Variants in TLN2 observed in about 807,000 individuals in gnomAD.
TLN2 encodes the protein talin 2.
TLN2 carries 118 observed loss-of-function variants against 294.7 expected under a neutral mutation model. That is an observed-to-expected ratio of 0.40 (90% CI 0.34 to 0.47). TLN2 has a LOEUF of 0.47. Among genes scored for constraint, TLN2 ranks in the 20% least tolerant of loss-of-function variants. The pLI, the probability that TLN2 is intolerant of heterozygous loss-of-function variation, is 0.84. For missense variants in TLN2, 3,083 were observed against 3,282.2 expected (o/e 0.94, Z 1.48); for synonymous variants, 1,431 against 1,304.5 (o/e 1.10, Z -2.09).
At chr15:62,690,028 T>A (rs1485241456) in intron 12 of TLN2, among the ~76,000 whole-genome samples, 1 of 55,070 alleles carries the variant, frequency 1.8e-5, no homozygotes. Flanking sequence ...GGCTCCTCAC[T>A]TCCCAGTAGG....
chr15:62,445,686 CAG>C (rs1345446490), intron 1 of TLN2, among the ~76,000 whole-genome samples: 2 of 151,178 alleles, frequency 1.3e-5, no homozygotes, highest in South Asian at 4.2e-4. Flanking sequence ...TTGGGGGAGA[CAG>C]GGTCTTGCTC....
At chr15:62,612,761 C>A (rs997431540) in intron 2 of TLN2, among the ~76,000 whole-genome samples, 1 of 152,112 alleles carries the variant, frequency 6.6e-6, no homozygotes. Context: ...TGCTGGATTG[C>A]GTTAATCAAC....
At chr15:62,701,918 C>T in intron 17 of TLN2, 74 bp from the exon 18 acceptor site, 1 of 1,534,128 alleles carries the variant, frequency 6.5e-7, no homozygotes, top group Non-Finnish European at 8.9e-7. Flanking sequence ...GAACTCCTGC[C>T]AGTGTGGGGT....
chr15:62,625,894 C>G (rs550865646), intron 3 of TLN2, among the ~76,000 whole-genome samples: 15 of 152,184 alleles, frequency 9.9e-5, no homozygotes, highest in African/African-American at 3.6e-4. Flanking sequence ...AGGGCCCACT[C>G]CTGTGTGAGT....
At chr15:62,789,605 T>C (rs890760768) in intron 45 of TLN2, among the ~76,000 whole-genome samples, 2 of 152,110 alleles carry the variant, frequency 1.3e-5, no homozygotes, top group Non-Finnish European at 2.9e-5. Context: ...AGGGTTCAGG[T>C]TCAAGACAGC....
intron 1 of TLN2, among the ~76,000 whole-genome samples, chr15:62,396,997 G>A (rs895903824): frequency 3.3e-5 from 5 of 152,104 alleles, no homozygotes; most frequent in African/African-American, 1.2e-4. Context: ...GAGCCACGGT[G>A]CCTGGCCTGA....
chr15:62,408,915 C>T (rs1191371448), intron 1 of TLN2, among the ~76,000 whole-genome samples: 1 of 152,094 alleles, frequency 6.6e-6, no homozygotes, highest in Non-Finnish European at 1.5e-5. Flanking sequence ...CTGCCTCGGC[C>T]TCCCAAAGTG....
intron 2 of TLN2, among the ~76,000 whole-genome samples, chr15:62,610,731 C>G (rs2047845203): frequency 6.6e-6 from 1 of 152,172 alleles, no homozygotes; most frequent in African/African-American, 2.4e-5. Context: ...TGCTGTTCTG[C>G]ACTCGTCCAT....
At chr15:62,719,628 A>T (rs1318257760) in intron 24 of TLN2, 139 bp from the exon 25 acceptor site, 3 of 578,248 alleles carry the variant, frequency 5.2e-6, no homozygotes, top group Non-Finnish European at 8.8e-6. Flanking sequence ...CTTAATGTGC[A>T]GTGTCTATCC....
chr15:62,663,106 C>T (rs903237704), intron 9 of TLN2, among the ~76,000 whole-genome samples: 4 of 152,018 alleles, frequency 2.6e-5, no homozygotes, highest in African/African-American at 7.2e-5. Flanking sequence ...TGAGCCACAG[C>T]GCCGGGCCTT....
chr15:62,592,254 G>A (rs1482953846), intron 2 of TLN2, among the ~76,000 whole-genome samples: 1 of 152,168 alleles, frequency 6.6e-6, no homozygotes, highest in Admixed American at 6.5e-5. Flanking sequence ...TGTACTCTGC[G>A]TTGATTGGAA....
chr15:62,526,615 C>T (rs755387824), intron 1 of TLN2, among the ~76,000 whole-genome samples: 1 of 152,182 alleles, frequency 6.6e-6, no homozygotes, highest in Non-Finnish European at 1.5e-5. Flanking sequence ...CTCTGCTGGG[C>T]AGGACCCCTC....
chr15:62,451,541 C>T (rs900665034), intron 1 of TLN2, among the ~76,000 whole-genome samples: 4 of 152,148 alleles, frequency 2.6e-5, no homozygotes, highest in Admixed American at 6.5e-5. Flanking sequence ...CCTGTAGTCC[C>T]AGTTACTCAG....
chr15:62,663,296 T>C (rs966327847), intron 9 of TLN2, among the ~76,000 whole-genome samples: 1 of 152,202 alleles, frequency 6.6e-6, no homozygotes, highest in Non-Finnish European at 1.5e-5. Context: ...AAAAACTTCA[T>C]GGCATGCCAG....
chr15:62,481,221 C>CTT (rs61704039), intron 1 of TLN2, among the ~76,000 whole-genome samples: 12 of 149,506 alleles, frequency 8.0e-5, no homozygotes, highest in East Asian at 1.9e-4. Flanking sequence ...GTTCTTTTTT[C>CTT]TTTTTTTTTT....
At chr15:62,653,937 CTT>C (rs951037659) in intron 7 of TLN2, among the ~76,000 whole-genome samples, 1 of 151,986 alleles carries the variant, frequency 6.6e-6, no homozygotes, top group Non-Finnish European at 1.5e-5. Flanking sequence ...CTTTCCATCT[CTT>C]TTTTTGACTA....
intron 1 of TLN2, among the ~76,000 whole-genome samples, chr15:62,448,453 G>A (rs988086540): frequency 1.3e-5 from 2 of 152,270 alleles, no homozygotes; most frequent in Admixed American, 6.5e-5. Flanking sequence ...TTCTGGATTC[G>A]GTTTATTCTG....
At chr15:62,793,068 G>GT (rs925217528) in intron 46 of TLN2, among the ~76,000 whole-genome samples, 7 of 152,220 alleles carry the variant, frequency 4.6e-5, no homozygotes, top group African/African-American at 1.7e-4. Flanking sequence ...TAGGCAGATT[G>GT]TATCAAAGTC....
rs2064130803 is a variant in TLN2 at position 62,781,122 on chromosome 15, T to G, written c.5515-18T>G. On this transcript the variant is annotated intron_variant, in intron 43 of 58. Coordinates refer to ENST00000636159, the MANE Select transcript of TLN2 (RefSeq NM_015059.3). Reference sequence around the variant, plus strand: ...CAGGCTTCTTATGACCTTTGGATTCTTTTCCTCTCCTCTGTAGCTGGATGA... The same window carrying G: ...CAGGCTTCTTATGACCTTTGGATTCGTTTCCTCTCCTCTGTAGCTGGATGA... The G allele has an allele frequency of 6.2e-7, 1 of 1,601,650 alleles. No individual in the cohort carries two copies. Among genetic ancestry groups the G allele is most frequent in the African/African-American group, 1.3e-5 (1 of 74,658 alleles).
Sources: allele counts gnomAD v4.1 joint callset (sites outside exome capture counted in the v4.1 genomes callset), GRCh38; gene constraint gnomAD v4.1.1; transcripts MANE v1.5; gene names NCBI Gene and HGNC (gene_info 2026-07-23, HGNC 2026-07-21).